Variants in SCUBE1 observed in about 807,000 individuals in gnomAD.
SCUBE1 encodes the protein signal peptide, CUB domain and EGF like domain containing 1.
Under a neutral mutation model 124.4 loss-of-function variants are expected in SCUBE1, and 59 were observed. The ratio of observed to expected loss-of-function variants is 0.47; its 90% CI spans 0.38 to 0.59. SCUBE1 has a LOEUF of 0.59. SCUBE1 is among the 20% of genes least tolerant of loss of function. The pLI, the probability that SCUBE1 is intolerant of heterozygous loss-of-function variation, is 0.00. For synonymous variants in SCUBE1, 545 were observed against 550.9 expected (o/e 0.99, Z 0.15); for missense variants, 1,150 against 1,371.2 (o/e 0.84, Z 2.55).
chr22:43,266,459 C>T (rs1372075823), intron 4 of SCUBE1, among the ~76,000 whole-genome samples: 1 of 152,216 alleles, frequency 6.6e-6, no homozygotes, highest in Non-Finnish European at 1.5e-5. Flanking sequence ...GCAACACTGG[C>T]TTTTGGAGGC....
At chr22:43,250,527 C>T (rs1923398806) in intron 6 of SCUBE1, among the ~76,000 whole-genome samples, 1 of 152,200 alleles carries the variant, frequency 6.6e-6, no homozygotes, top group Admixed American at 6.5e-5. Flanking sequence ...AGAGAGGAGG[C>T]AGAGAAGGTT....
At chr22:43,212,707 A>C in intron 16 of SCUBE1, 115 bp from the exon 17 acceptor site, 2 of 871,842 alleles carry the variant, frequency 2.3e-6, no homozygotes, top group South Asian at 1.6e-5. Flanking sequence ...GGTACTGGGC[A>C]CCCGAGGCCT....
At chr22:43,206,808 C>G (rs12160178) in intron 21 of SCUBE1, among the ~76,000 whole-genome samples, 5,860 of 151,966 alleles carry the variant, frequency 0.039, 135 homozygotes, top group South Asian at 0.057. Flanking sequence ...ACAGAGATTG[C>G]GGGGAGAGAG....
chr22:43,251,903 C>T (rs1395422816), intron 6 of SCUBE1, among the ~76,000 whole-genome samples: 2 of 152,204 alleles, frequency 1.3e-5, no homozygotes, highest in Admixed American at 6.5e-5. Context: ...CAGCGTGGCG[C>T]GTAGCACCCC....
chr22:43,231,659 C>G (rs1231358628), intron 8 of SCUBE1, 94 bp downstream of exon 8: 1 of 1,465,188 alleles, frequency 6.8e-7, no homozygotes, highest in Non-Finnish European at 9.2e-7. Flanking sequence ...CATCCGCATT[C>G]CCCTCCCCTC....
chr22:43,245,785 A>G (rs765803185), intron 6 of SCUBE1, among the ~76,000 whole-genome samples: 3 of 152,148 alleles, frequency 2.0e-5, no homozygotes, highest in Non-Finnish European at 4.4e-5. Context: ...GCCTCCGTCT[A>G]CCTGAGAACC....
In SCUBE1 at chr22:43,232,063, C is replaced by T. The variant is rs1191057377; in HGVS notation, c.845-188G>A. The T allele has an allele frequency of 2.4e-5, 12 of 500,670 alleles. 1 individual carries two copies. The highest frequency in any genetic ancestry group is 3.3e-5 in the Non-Finnish European group (9 of 269,026). The allele number at this position is 500,670 out of a possible 1,614,324, so 31.0% of individuals were successfully genotyped here. On this transcript the variant is annotated intron_variant, in intron 7 of 21. Transcript: ENST00000360835. ...GGCCCTGTCTCGCAGGGGTCAGGGT[C>T]GGGGCTGGGTTGTACTGGGAAGGGC...
chr22:43,217,911 G>A (rs990556415), intron 15 of SCUBE1, among the ~76,000 whole-genome samples: 4 of 152,144 alleles, frequency 2.6e-5, no homozygotes, highest in African/African-American at 4.8e-5. Flanking sequence ...CTTAGCTAAC[G>A]TGACTTCTCC....
At chr22:43,293,254 T>C (rs924802907) in intron 3 of SCUBE1, among the ~76,000 whole-genome samples, 22 of 152,322 alleles carry the variant, frequency 1.4e-4, no homozygotes, top group African/African-American at 5.3e-4. Context: ...TATTATGTGT[T>C]AGGCGCAGGC....
chr22:43,238,490 G>A (rs1346556624), intron 7 of SCUBE1: 4 of 576,216 alleles, frequency 6.9e-6, no homozygotes, highest in East Asian at 2.8e-5. Context: ...GCCTTGGGAA[G>A]CCACACTATC....
rs1008781677 is a variant in SCUBE1 at position 43,277,491 on chromosome 22, C to G, written c.484+13555G>C. On this transcript the variant is annotated intron_variant, in intron 4 of 21. Coordinates refer to ENST00000360835, the MANE Select transcript of SCUBE1 (RefSeq NM_173050.5). ...GACAGGGGCTCCTTGTGTCACAGGG[C>G]ATCTGGGCTGCACAGCACCCCTGCC... is the stretch of plus-strand genomic sequence containing the variant. 3.3e-5 allele frequency among the ~76,000 whole-genome samples: 5 copies of G among 152,188 alleles called. 1 individual carries two copies. The East Asian group carries it at 9.6e-4, about 29-fold the overall frequency.
chr22:43,245,064 G>A (rs780367847), intron 6 of SCUBE1, among the ~76,000 whole-genome samples: 1 of 152,248 alleles, frequency 6.6e-6, no homozygotes, highest in African/African-American at 2.4e-5. Context: ...ATCGCTTTGG[G>A]ATAAAAGCCA....
chr22:43,253,291 G>T (rs1326872933), intron 6 of SCUBE1, among the ~76,000 whole-genome samples: 1 of 152,198 alleles, frequency 6.6e-6, no homozygotes, highest in East Asian at 1.9e-4. Context: ...TAAGAATGAT[G>T]AGCTCGTGAG....
chr22:43,281,562 TCAG>T (rs1924901646), intron 4 of SCUBE1, among the ~76,000 whole-genome samples: 1 of 129,188 alleles, frequency 7.7e-6, no homozygotes. Flanking sequence ...CACCTCCCCC[TCAG>T]CCACCCTCCT....
chr22:43,336,159 G>A (rs1927073918), intron 2 of SCUBE1, among the ~76,000 whole-genome samples: 1 of 152,116 alleles, frequency 6.6e-6, no homozygotes, highest in Non-Finnish European at 1.5e-5. Flanking sequence ...GACCTGTGAT[G>A]GGGAGTATTT....
At chr22:43,307,537 TCA>T (rs1369549795) in intron 3 of SCUBE1, among the ~76,000 whole-genome samples, 1 of 152,116 alleles carries the variant, frequency 6.6e-6, no homozygotes, top group Non-Finnish European at 1.5e-5. Flanking sequence ...CTGGGGCCAA[TCA>T]CACGACCGCA....
chr22:43,325,421 C>T (rs1926691375), intron 2 of SCUBE1, among the ~76,000 whole-genome samples: 1 of 101,276 alleles, frequency 9.9e-6, no homozygotes, highest in African/African-American at 4.2e-5. Flanking sequence ...CCAGCCTGGG[C>T]AACAAGAGCA....
At chr22:43,339,375 C>A in intron 1 of SCUBE1, 140 bp from the exon 2 acceptor site, 1 of 778,832 alleles carries the variant, frequency 1.3e-6, no homozygotes, top group Non-Finnish European at 2.0e-6. Flanking sequence ...TGTCACAGGA[C>A]AATCTGGTGT....
At chr22:43,276,435 G>T (rs1924521378) in intron 4 of SCUBE1, among the ~76,000 whole-genome samples, 1 of 152,226 alleles carries the variant, frequency 6.6e-6, no homozygotes, top group Admixed American at 6.5e-5. Context: ...GCTGGCCTCA[G>T]GCGGGTGACG....
Sources: allele counts gnomAD v4.1 joint callset (sites outside exome capture counted in the v4.1 genomes callset), GRCh38; gene constraint gnomAD v4.1.1; transcripts MANE v1.5; gene names NCBI Gene and HGNC (gene_info 2026-07-23, HGNC 2026-07-21).